ARHGAP39: variants seen among roughly 807,000 people sequenced by gnomAD.
ARHGAP39 encodes the protein rho GTPase-activating protein 39.
A neutral mutation model predicts 106.9 loss-of-function variants in ARHGAP39; 44 were observed. The ratio of observed to expected loss-of-function variants is 0.41; its 90% confidence interval spans 0.32 to 0.53. ARHGAP39 has a LOEUF of 0.53. Among genes scored for constraint, ARHGAP39 ranks in the 20% least tolerant of loss-of-function variants. The pLI is 0.21. For synonymous variants in ARHGAP39, 768 were observed against 693.2 expected, an observed-to-expected ratio of 1.11 and a Z score of -1.69; for missense variants, 1,496 against 1,577.3, an observed-to-expected ratio of 0.95 and a Z score of 0.87.
the ARHGAP39 span, among the ~76,000 whole-genome samples, chr8:144,693,663 G>GCGCCCAGC: frequency 6.6e-6 from 1 of 152,214 alleles, no homozygotes; most frequent in Non-Finnish European, 1.5e-5. Flanking sequence ...GTGAGCCACC[G>GCGCCCAGC]CGCCCAGCCG....
intron 1 of ARHGAP39, among the ~76,000 whole-genome samples, chr8:144,663,124 C>G (rs1024108051): frequency 4.0e-5 from 6 of 150,430 alleles, no homozygotes; most frequent in African/African-American, 7.4e-5. Context: ...CCCACTCCCC[C>G]CTCCCTATTA....
At chr8:144,690,260 C>CT (rs1306396585), upstream of ARHGAP39, among the ~76,000 whole-genome samples, 1 of 151,296 alleles carries the variant, frequency 6.6e-6, no homozygotes, top group Non-Finnish European at 1.5e-5. Context: ...TTACAGGTGC[C>CT]TGCCACCATG....
chr8:144,613,437 C>A (rs1820545759), intron 1 of ARHGAP39, among the ~76,000 whole-genome samples: 1 of 151,210 alleles, frequency 6.6e-6, no homozygotes, highest in African/African-American at 2.4e-5. Flanking sequence ...TTGGAAACAT[C>A]TTTATGTCAC....
At chr8:144,556,426 C>T (rs1209243762) in intron 3 of ARHGAP39, among the ~76,000 whole-genome samples, 1 of 152,076 alleles carries the variant, frequency 6.6e-6, no homozygotes, top group Non-Finnish European at 1.5e-5. Context: ...GTGATCAAAC[C>T]GATAAGTATT....
intron 4 of ARHGAP39, among the ~76,000 whole-genome samples, chr8:144,555,279 A>G (rs1586899860): frequency 6.6e-6 from 1 of 152,246 alleles, no homozygotes; most frequent in Admixed American, 6.5e-5. Flanking sequence ...AGGACCCTCC[A>G]GCACTCTGCT....
intron 2 of ARHGAP39, among the ~76,000 whole-genome samples, chr8:144,593,289 G>A (rs1819475493): frequency 6.6e-6 from 1 of 152,172 alleles, no homozygotes; most frequent in African/African-American, 2.4e-5. Flanking sequence ...ACAAGAATGT[G>A]CCCTGCCCTG....
At position 144,573,935 on chromosome 8, in the gene ARHGAP39, G is replaced by A. The variant is rs564484990; in HGVS notation, c.512+6911C>T. 2.5e-3 allele frequency among the ~76,000 whole-genome samples: 377 copies of A among 152,254 alleles called. 2 individuals carry two copies. The highest frequency in any genetic ancestry group is 8.8e-3 in the African/African-American group (366 of 41,532). ...TGCCTATAATCCCAGCACTTTGGGA[G>A]GCTGAGGCAGGCAGATCACTTGAGA... On this transcript the variant is annotated intron_variant, in intron 3 of 11. Coordinates refer to ENST00000377307, the MANE Select transcript of ARHGAP39 (RefSeq NM_025251.3).
rs768457542 is a variant in ARHGAP39 at position 144,547,408 on chromosome 8, C to A, written c.1678G>T (p.Ala560Ser). ...AAGTGGGCCTGCTGCGCCTCCCAGG[C>A]CAGCCGAGCCTGCGCCAGGAAGGGC... is the stretch of plus-strand genomic sequence containing the variant. Reference protein sequence around the residue: ...AEPFLAQARLAWEAQQAHFHM... With the variant: ...AEPFLAQARLSWEAQQAHFHM... The change falls in exon 5 of 12, where the codon GCC becomes TCC. Residue 560 changes from alanine to serine, a missense_variant. By Grantham distance (99) the Ala-to-Ser change is moderately conservative. Around this residue, in one of 4 missense-constraint regions of ARHGAP39, gnomAD observed 905 missense variants for 816.4 expected, o/e 1.11. Coordinates refer to ENST00000377307, the MANE Select transcript of ARHGAP39 (RefSeq NM_025251.3). This position sits in a 1 kb window ranked among gnomAD's most constrained non-coding sequence, Gnocchi z 5.2. The A allele has an allele frequency of 1.3e-6, 2 of 1,591,190 alleles. No individual in the cohort carries two copies. Among genetic ancestry groups the A allele is most frequent in the Admixed American group, 1.7e-5 (1 of 59,132 alleles).
the ARHGAP39 span, among the ~76,000 whole-genome samples, chr8:144,696,043 G>A: frequency 6.6e-6 from 1 of 152,172 alleles, no homozygotes; most frequent in South Asian, 2.1e-4. Flanking sequence ...TCTAAAAACA[G>A]GGTTAGTGAA....
intron 1 of ARHGAP39, among the ~76,000 whole-genome samples, chr8:144,639,227 G>A (rs1352489917): frequency 3.3e-5 from 5 of 151,582 alleles, no homozygotes; most frequent in Admixed American, 3.3e-4. Context: ...TTGGGAGGCT[G>A]AGGCAGGAGA....
intron 2 of ARHGAP39, among the ~76,000 whole-genome samples, chr8:144,601,250 G>T (rs889121641): frequency 6.9e-6 from 1 of 143,962 alleles, no homozygotes; most frequent in East Asian, 2.1e-4. Flanking sequence ...GTGCATGGAG[G>T]CGTGTGTGCT....
chr8:144,656,807 CAAAAAA>C (rs35058065), intron 1 of ARHGAP39, among the ~76,000 whole-genome samples: 1,223 of 42,284 alleles, frequency 0.029, 10 homozygotes, highest in African/African-American at 0.11. Context: ...GACTCCATCT[CAAAAAA>C]AAAAAAAAAA....
chr8:144,654,394 A>G (rs1277227208), intron 1 of ARHGAP39, among the ~76,000 whole-genome samples: 1 of 152,062 alleles, frequency 6.6e-6, no homozygotes, highest in Non-Finnish European at 1.5e-5. Flanking sequence ...AGTCCCAGTT[A>G]CTCGGGAGCT....
chr8:144,667,345 T>C (rs1403809845), intron 1 of ARHGAP39, among the ~76,000 whole-genome samples: 1 of 152,210 alleles, frequency 6.6e-6, no homozygotes, highest in Non-Finnish European at 1.5e-5. Context: ...TTCCTTCACC[T>C]GCCCAAATGA....
upstream of ARHGAP39, among the ~76,000 whole-genome samples, chr8:144,686,926 G>GGTGA (rs1563738880): frequency 5.8e-5 from 3 of 51,306 alleles, no homozygotes; most frequent in Non-Finnish European, 8.1e-5. Flanking sequence ...ACACACTGGC[G>GGTGA]GCGACCATTT....
intron 1 of ARHGAP39, among the ~76,000 whole-genome samples, chr8:144,624,835 C>T (rs71515620): frequency 4.3e-4 from 1 of 2,350 alleles, no homozygotes; most frequent in Non-Finnish European, 8.0e-4. Flanking sequence ...CACGGAGCAC[C>T]CACTGCACAC....
chr8:144,620,074 G>A (rs1360099641), intron 1 of ARHGAP39, among the ~76,000 whole-genome samples: 1 of 139,370 alleles, frequency 7.2e-6, no homozygotes, highest in Non-Finnish European at 1.5e-5. Context: ...GTGTCTGTGT[G>A]TGCCCGAGTG....
At chr8:144,617,309 A>C (rs1182569188) in intron 1 of ARHGAP39, among the ~76,000 whole-genome samples, 1 of 151,186 alleles carries the variant, frequency 6.6e-6, no homozygotes, top group East Asian at 1.9e-4. Context: ...CACGTCTCAA[A>C]GGGCTTCTCA....
At chr8:144,605,884 C>T in intron 1 of ARHGAP39, 189 bp from the exon 2 acceptor site, 2 of 504,004 alleles carry the variant, frequency 4.0e-6, no homozygotes. Flanking sequence ...TGCAGCGAAG[C>T]CTGGCCAGCC....
Sources: gnomAD v4.1 joint callset for allele counts (sites outside exome capture counted in the v4.1 genomes callset) on GRCh38, gnomAD v4.1.1 for gene constraint, gnomAD v4.1.1 regional missense constraint, Gnocchi (gnomAD v3.1) non-coding constraint, MANE v1.5 for transcripts, NCBI Gene and HGNC (gene_info 2026-07-23, HGNC 2026-07-21) for gene names.